GPR89B: variants seen among roughly 807,000 people sequenced by gnomAD.
The protein encoded by GPR89B is golgi pH regulator B, also known as G protein-coupled receptor 89B.
Under a neutral mutation model 52.4 loss-of-function variants are expected in GPR89B, and 25 were observed. The observed-to-expected ratio is 0.48, with a 90% CI of 0.35 to 0.67. The LOEUF (loss-of-function observed/expected upper bound fraction) is 0.67, where lower values mean the gene tolerates loss of function less well. Among genes scored for constraint, GPR89B ranks in the 30% least tolerant of loss-of-function variants. GPR89B has a pLI of 0.01. For missense variants in GPR89B, 146 were observed against 450.2 expected (o/e 0.32, Z 6.11); for synonymous variants, 52 against 151.2 (o/e 0.34, Z 4.81).
chr1:147,983,640 C>T (rs1388947889), intron 10 of GPR89B, among the ~76,000 whole-genome samples: 1 of 151,928 alleles, frequency 6.6e-6, no homozygotes, highest in Non-Finnish European at 1.5e-5. Flanking sequence ...CCATCTCACA[C>T]CAGTTAGAAT....
intron 3 of GPR89B, among the ~76,000 whole-genome samples, chr1:147,943,230 T>C (rs587771612): frequency 2.0e-5 from 3 of 152,098 alleles, no homozygotes; most frequent in Non-Finnish European, 4.4e-5. Flanking sequence ...ATGAAATTCT[T>C]AAGATGTTAA....
At chr1:148,021,515 T>C in the GPR89B span, among the ~76,000 whole-genome samples, 10 of 150,080 alleles carry the variant, frequency 6.7e-5, no homozygotes, top group Non-Finnish European at 1.3e-4. Flanking sequence ...AGAGAAGCTG[T>C]GGGGTGGGGC....
At chr1:148,000,775 T>TAAAAAAAAAAA in the GPR89B span, among the ~76,000 whole-genome samples, 1 of 72,530 alleles carries the variant, frequency 1.4e-5, no homozygotes, top group Non-Finnish European at 3.1e-5. Flanking sequence ...GTGTTAAAAG[T>TAAAAAAAAAAA]AAAAAAAAAA....
the GPR89B span, among the ~76,000 whole-genome samples, chr1:148,002,196 C>T: frequency 6.6e-6 from 1 of 152,082 alleles, no homozygotes; most frequent in African/African-American, 2.4e-5. Flanking sequence ...TCTTGGTTAC[C>T]TGTTAGTGGA....
chr1:147,998,741 T>TGTG, the GPR89B span, among the ~76,000 whole-genome samples: 1 of 151,524 alleles, frequency 6.6e-6, no homozygotes, highest in African/African-American at 2.4e-5. Flanking sequence ...ATTAGCCAGG[T>TGTG]GTGGTAGCAC....
At chr1:148,021,204 C>T in the GPR89B span, among the ~76,000 whole-genome samples, 2 of 151,234 alleles carry the variant, frequency 1.3e-5, no homozygotes, top group Non-Finnish European at 2.9e-5. Context: ...GAGTGCGGCT[C>T]AAGAAATGAC....
rs587660667 is a variant in GPR89B at position 147,934,378 on chromosome 1, C to T, written c.43-2249C>T. Among the ~76,000 whole-genome samples the T allele has an allele frequency of 2.4e-4, 36 of 152,138 alleles. No individual in the cohort carries two copies. The South Asian group carries it at 6.0e-3, about 25-fold the overall frequency. On this transcript the variant is annotated intron_variant, in intron 1 of 13. Coordinates refer to ENST00000314163, the MANE Select transcript of GPR89B (RefSeq NM_016334.5). ...TTTTTGTAGAGATGGGGTTTCACCACGTTGCCCAAGCTGGTCTCGAACTCC... is the reference window on the plus strand; with the variant it reads ...TTTTTGTAGAGATGGGGTTTCACCATGTTGCCCAAGCTGGTCTCGAACTCC...
intron 3 of GPR89B, 152 bp from the exon 4 acceptor site, chr1:147,943,286 C>CA (rs1366624342): frequency 3.1e-5 from 35 of 1,133,142 alleles, no homozygotes; most frequent in Middle Eastern, 2.2e-4. Context: ...TTAATCTCTA[C>CA]AAATGAGTAG....
intron 10 of GPR89B, among the ~76,000 whole-genome samples, chr1:147,983,921 C>G (rs1328152128): frequency 1.3e-5 from 2 of 151,986 alleles, no homozygotes; most frequent in Admixed American, 6.6e-5. Context: ...AGACTTGGAA[C>G]CAACCCAAAT....
At chr1:148,015,325 C>CTCTCTCTCTCTT in the GPR89B span, among the ~76,000 whole-genome samples, 2 of 140,626 alleles carry the variant, frequency 1.4e-5, no homozygotes, top group African/African-American at 5.6e-5. Flanking sequence ...CTCTCTCTCT[C>CTCTCTCTCTCTT]TCTCTCTCTC....
the GPR89B span, among the ~76,000 whole-genome samples, chr1:148,009,807 G>A: frequency 6.6e-6 from 1 of 152,112 alleles, no homozygotes; most frequent in Non-Finnish European, 1.5e-5. Flanking sequence ...GGAATATAGA[G>A]TGTGGTTCAA....
intron 10 of GPR89B, among the ~76,000 whole-genome samples, chr1:147,977,860 G>A (rs1250562506): frequency 2.7e-5 from 4 of 150,468 alleles, no homozygotes; most frequent in Non-Finnish European, 4.4e-5. Flanking sequence ...CTTTTTAAAC[G>A]GGTTATTCTG....
chr1:148,003,132 T>C, the GPR89B span, among the ~76,000 whole-genome samples: 6 of 152,202 alleles, frequency 3.9e-5, no homozygotes, highest in Non-Finnish European at 8.8e-5. Flanking sequence ...CTGAGGATGT[T>C]TTTACAAAAC....
At chr1:147,978,208 GC>G (rs1657979631) in intron 10 of GPR89B, among the ~76,000 whole-genome samples, 2 of 151,904 alleles carry the variant, frequency 1.3e-5, no homozygotes, top group Non-Finnish European at 2.9e-5. Context: ...TGTTGTTGTT[GC>G]TTTCTGTTTG....
In GPR89B at chr1:147,929,420, C is replaced by G. The variant is rs587714020; in HGVS notation, c.42+842C>G. 2.0e-5 allele frequency among the ~76,000 whole-genome samples: 3 copies of G among 152,160 alleles called. No homozygotes were observed. The East Asian group carries it at 5.8e-4, about 29-fold the overall frequency. On this transcript the variant is annotated intron_variant, in intron 1 of 13. Coordinates refer to ENST00000314163, the MANE Select transcript of GPR89B (RefSeq NM_016334.5). ...GTTTCTGATTTTGTTTTTTGAGATC[C>G]TGCCTTGTTCATAGCTGTATCCCCA... is the stretch of plus-strand genomic sequence containing the variant.
the GPR89B span, among the ~76,000 whole-genome samples, chr1:148,025,338 A>C: frequency 1.3e-5 from 2 of 151,830 alleles, no homozygotes; most frequent in Non-Finnish European, 2.9e-5. Flanking sequence ...ACCACCAGGC[A>C]AATGTCATAG....
At chr1:147,963,018 T>A (rs1656728583) in intron 7 of GPR89B, among the ~76,000 whole-genome samples, 1 of 144,842 alleles carries the variant, frequency 6.9e-6, no homozygotes, top group Non-Finnish European at 1.5e-5. Flanking sequence ...ATACCAAAAA[T>A]AAAATCCATG....
intron 10 of GPR89B, among the ~76,000 whole-genome samples, chr1:147,981,349 A>AC (rs1571309753): frequency 6.6e-6 from 1 of 150,618 alleles, no homozygotes; most frequent in Non-Finnish European, 1.5e-5. Context: ...ACACACACAC[A>AC]AAATTAATAG....
chr1:147,998,902 T>A, the GPR89B span, among the ~76,000 whole-genome samples: 71 of 127,788 alleles, frequency 5.6e-4, no homozygotes, highest in Non-Finnish European at 7.3e-4. Context: ...AAAAAAAAAA[T>A]GAGATTTTAT....
Sources: gnomAD v4.1 joint callset for allele counts (sites outside exome capture counted in the v4.1 genomes callset) on GRCh38, gnomAD v4.1.1 for gene constraint, MANE v1.5 for transcripts, NCBI Gene and HGNC (gene_info 2026-07-23, HGNC 2026-07-21) for gene names.